TCEA3: variants seen among roughly 807,000 people sequenced by gnomAD.
TCEA3 encodes transcription elongation factor A3, also known as transcription elongation factor A protein 3.
TCEA3 carries 36 observed loss-of-function variants against 44.0 expected under a neutral mutation model. That is an observed-to-expected ratio of 0.82 (90% CI 0.63 to 1.08). The LOEUF (loss-of-function observed/expected upper bound fraction) is 1.08. Among genes scored for constraint, TCEA3 ranks in the 50% least tolerant of loss-of-function variants. TCEA3 has a pLI of 0.00. For missense variants in TCEA3, 392 were observed against 441.2 expected (o/e 0.89, Z 1.00); for synonymous variants, 162 against 159.7 (o/e 1.01, Z -0.11).
At chr1:23,422,485 A>G (rs549236473) in intron 1 of TCEA3, among the ~76,000 whole-genome samples, 1 of 152,120 alleles carries the variant, frequency 6.6e-6, no homozygotes, top group South Asian at 2.1e-4. Context: ...CCGGCAGTAA[A>G]CCCCGGGCCT....
At chr1:23,400,362 G>A (rs923249379) in intron 5 of TCEA3, among the ~76,000 whole-genome samples, 3 of 126,636 alleles carry the variant, frequency 2.4e-5, no homozygotes, top group African/African-American at 3.5e-5. Flanking sequence ...GGCAGATGCC[G>A]CCACACCAGG....
At chr1:23,415,804 A>G (rs1325460949) in intron 4 of TCEA3, among the ~76,000 whole-genome samples, 2 of 152,208 alleles carry the variant, frequency 1.3e-5, no homozygotes, top group Non-Finnish European at 2.9e-5. Context: ...AGCAATGGAA[A>G]GGAACAGAAC....
intron 2 of TCEA3, 73 bp from the exon 3 acceptor site, chr1:23,418,082 T>G: frequency 6.8e-7 from 1 of 1,467,278 alleles, no homozygotes; most frequent in East Asian, 2.3e-5. Flanking sequence ...TGGCAGATCC[T>G]GCCCCAGCTC....
At position 23,417,291 on chromosome 1, in the gene TCEA3, C is replaced by T. The variant is rs1384111613; in HGVS notation, c.338G>A (p.Gly113Asp). The part of the protein sequence containing the change: ...LECSDWKPEA[G>D]LSPPRKKRED... ...TCGTTTTTTCCTTGGTGGAGAAAGG[C>T]CTGCTTCTGGCTTCCAGTCTGAACA... The change falls in exon 4 of 11, where the codon GGC becomes GAC. Residue 113 changes from glycine (G) to aspartate (D), a missense_variant. Transcript: ENST00000450454. 2.5e-6 allele frequency: 4 copies of T among 1,613,920 alleles called. No homozygotes were observed. In the Admixed American group the frequency reaches 6.7e-5, roughly 27 times the overall value.
intron 7 of TCEA3, among the ~76,000 whole-genome samples, chr1:23,395,926 G>A (rs1639203962): frequency 6.6e-6 from 1 of 152,058 alleles, no homozygotes; most frequent in Non-Finnish European, 1.5e-5. Context: ...TGGGCTTAAA[G>A]GTGGAAAGGA....
In TCEA3 at chr1:23,397,420, G is replaced by C. The variant is rs1639247903; in HGVS notation, c.664+125C>G. ...GATAGAATTAAGAACTCTGGTTCAG[G>C]GGCAGAGCAGGGGCTGTTCCCGGAG... On this transcript the variant is annotated intron_variant, in intron 7 of 10. Transcript: ENST00000450454. The C allele has an allele frequency of 7.6e-6, 6 of 792,784 alleles. No homozygotes were observed. The East Asian group carries it at 1.5e-4, about 20-fold the overall frequency. 49.1% of individuals were successfully genotyped at this position (792,784 alleles called of 1,614,324 possible). A position where few individuals can be genotyped will look rare whatever the true frequency, so the allele number is the denominator to read the frequency against.
chr1:23,423,655 A>T (rs960032399), intron 1 of TCEA3, among the ~76,000 whole-genome samples: 4 of 152,178 alleles, frequency 2.6e-5, no homozygotes, highest in African/African-American at 9.6e-5. Flanking sequence ...GGAGGTGGGA[A>T]GGGCATGCTC....
intron 4 of TCEA3, among the ~76,000 whole-genome samples, chr1:23,415,449 T>G (rs900694322): frequency 3.4e-4 from 51 of 152,214 alleles, no homozygotes; most frequent in African/African-American, 1.1e-3. Context: ...CAAATCCCAT[T>G]TGGTCCCTCC....
At chr1:23,411,253 T>C (rs750447615) in intron 4 of TCEA3, 3 of 152,162 alleles carry the variant, frequency 2.0e-5, no homozygotes, top group Non-Finnish European at 4.4e-5. Flanking sequence ...ATCCCCTGGG[T>C]TCAAGAGATT....
At chr1:23,387,016 G>A (rs76280734) in intron 9 of TCEA3, among the ~76,000 whole-genome samples, 2 of 152,126 alleles carry the variant, frequency 1.3e-5, no homozygotes, top group Non-Finnish European at 2.9e-5. Context: ...CACCGCGCCC[G>A]GCATTTTTGT....
At chr1:23,402,290 A>T (rs1639420918) in intron 5 of TCEA3, among the ~76,000 whole-genome samples, 1 of 152,196 alleles carries the variant, frequency 6.6e-6, no homozygotes. Context: ...TAGTGAGCTG[A>T]GATCATGCCA....
intron 7 of TCEA3, among the ~76,000 whole-genome samples, chr1:23,397,301 T>C (rs1639244634): frequency 6.6e-6 from 1 of 152,192 alleles, no homozygotes; most frequent in African/African-American, 2.4e-5. Context: ...ACTGGATAAA[T>C]CAGGGAACCT....
intron 10 of TCEA3, among the ~76,000 whole-genome samples, chr1:23,381,948 C>T (rs1253423744): frequency 1.3e-5 from 2 of 152,162 alleles, no homozygotes; most frequent in African/African-American, 2.4e-5. Context: ...ATCACAAGAG[C>T]TACATTTATT....
intron 4 of TCEA3, among the ~76,000 whole-genome samples, chr1:23,412,340 C>T (rs1639738942): frequency 6.7e-6 from 1 of 149,454 alleles, no homozygotes; most frequent in Non-Finnish European, 1.5e-5. Context: ...TTGCAGGCTG[C>T]AGTGAGCTGT....
chr1:23,422,695 T>C (rs1166059050), intron 1 of TCEA3, among the ~76,000 whole-genome samples: 3 of 152,102 alleles, frequency 2.0e-5, no homozygotes, highest in African/African-American at 4.8e-5. Context: ...GCAGGGACCC[T>C]GCGGCCAGAC....
chr1:23,421,229 G>T (rs1640056503), intron 1 of TCEA3, among the ~76,000 whole-genome samples: 1 of 152,132 alleles, frequency 6.6e-6, no homozygotes, highest in Non-Finnish European at 1.5e-5. Flanking sequence ...GGCCCTATCG[G>T]GTAGGTCCTG....
At chr1:23,387,488 A>T in intron 8 of TCEA3, 69 bp from the exon 9 acceptor site, 1 of 1,489,702 alleles carries the variant, frequency 6.7e-7, no homozygotes, top group Non-Finnish European at 9.0e-7. Context: ...CCCGGTTTCT[A>T]GAAAGCCTGA....
chr1:23,405,357 G>A (rs1213278637), intron 5 of TCEA3, among the ~76,000 whole-genome samples: 2 of 152,112 alleles, frequency 1.3e-5, no homozygotes, highest in Non-Finnish European at 2.9e-5. Flanking sequence ...AGCACTTTGG[G>A]GGGCCGAAGA....
At chr1:23,414,440 T>C (rs1639830062) in intron 4 of TCEA3, among the ~76,000 whole-genome samples, 1 of 152,170 alleles carries the variant, frequency 6.6e-6, no homozygotes, top group Non-Finnish European at 1.5e-5. Context: ...TCTAGTTCTG[T>C]CGCCCAGGCT....
Sources: gnomAD v4.1 joint callset for allele counts (sites outside exome capture counted in the v4.1 genomes callset) on GRCh38, gnomAD v4.1.1 for gene constraint, MANE v1.5 for transcripts, NCBI Gene and HGNC (gene_info 2026-07-23, HGNC 2026-07-21) for gene names.